Variants in LTBP1 observed in about 807,000 individuals in gnomAD.
The protein encoded by LTBP1 is latent-transforming growth factor beta-binding protein 1.
Under a neutral mutation model 207.6 loss-of-function variants are expected in LTBP1, and 129 were observed. That is an observed-to-expected ratio of 0.62 (90% CI 0.54 to 0.72). The LOEUF (loss-of-function observed/expected upper bound fraction) is 0.72. Among genes scored for constraint, LTBP1 ranks in the 30% least tolerant of loss-of-function variants. The probability of loss-of-function intolerance (pLI) is 0.00; values close to 1 mark genes in which losing one functional copy is unlikely to be tolerated. For missense variants in LTBP1, 2,281 were observed against 2,217.2 expected, an observed-to-expected ratio of 1.03 and a Z score of -0.58; for synonymous variants, 963 against 833.7, an observed-to-expected ratio of 1.16 and a Z score of -2.67.
rs2095299098 is a variant in LTBP1, at chr2:33,389,719, AACCTCC to A, written c.4834+420_4834+425del. 5.3e-5 allele frequency among the ~76,000 whole-genome samples: 8 copies of A among 152,284 alleles called. No homozygotes were observed. In the South Asian group the frequency reaches 1.7e-3, roughly 32 times the overall value. On this transcript the variant is annotated intron_variant, in intron 32 of 33. Transcript: ENST00000404816. ...CAGTGGCACGATCTCAGCTCACTGC[AACCTCC>A]ACCTCCCGGATTCAAGCGATTCTGC... is the stretch of plus-strand genomic sequence containing the variant.
chr2:33,305,187 G>A (rs917246275), intron 22 of LTBP1, among the ~76,000 whole-genome samples: 2 of 152,098 alleles, frequency 1.3e-5, no homozygotes, highest in African/African-American at 2.4e-5. Context: ...ATCTGGGTGT[G>A]GCGGCGTGTG....
At chr2:33,034,257 T>C (rs528764154) in intron 3 of LTBP1, among the ~76,000 whole-genome samples, 2 of 151,326 alleles carry the variant, frequency 1.3e-5, no homozygotes, top group Admixed American at 6.6e-5. Flanking sequence ...AAAATGCATT[T>C]ATTTCTCAGA....
At chr2:33,157,599 T>A (rs1269301831) in intron 5 of LTBP1, among the ~76,000 whole-genome samples, 1 of 152,186 alleles carries the variant, frequency 6.6e-6, no homozygotes, top group East Asian at 1.9e-4. Flanking sequence ...CTGACTCCCA[T>A]TGCATTTCCA....
intron 20 of LTBP1, among the ~76,000 whole-genome samples, chr2:33,298,677 G>C (rs531706233): frequency 1.1e-3 from 168 of 152,268 alleles, no homozygotes; most frequent in African/African-American, 3.8e-3. Flanking sequence ...TAAAATGAAA[G>C]TTACCTTGTT....
At chr2:33,307,668 G>A (rs1558985336) in intron 22 of LTBP1, among the ~76,000 whole-genome samples, 1 of 152,170 alleles carries the variant, frequency 6.6e-6, no homozygotes, top group Non-Finnish European at 1.5e-5. Context: ...TTTATTTTAT[G>A]TACATTATAC....
chr2:33,058,260 A>T (rs949035745), intron 3 of LTBP1, among the ~76,000 whole-genome samples: 1 of 152,242 alleles, frequency 6.6e-6, no homozygotes, highest in Non-Finnish European at 1.5e-5. Flanking sequence ...GTTAGCATTA[A>T]AATTCAATTA....
intron 2 of LTBP1, among the ~76,000 whole-genome samples, chr2:32,979,243 G>A (rs2148695710): frequency 6.7e-6 from 1 of 149,840 alleles, no homozygotes; most frequent in East Asian, 2.0e-4. Flanking sequence ...ACTAATTTTG[G>A]GTTTAGTTTG....
chr2:33,240,428 A>T (rs1335424984), intron 9 of LTBP1, among the ~76,000 whole-genome samples: 1 of 152,186 alleles, frequency 6.6e-6, no homozygotes, highest in Non-Finnish European at 1.5e-5. Context: ...CTTTGTTCTT[A>T]ACGTGTTTGT....
Position 32,968,917 on chromosome 2 carries a change from A to ATTTT in LTBP1, c.565+19985_565+19988dup, listed in dbSNP as rs61065758. ...TTTTTTCTTTAGTGTGTGTGTGTGT[A>ATTTT]TTTTTTTTTTTTTTTTGAGGCGGTG... On this transcript the variant is annotated intron_variant, in intron 2 of 33. Transcript: ENST00000404816. 2.1e-3 allele frequency among the ~76,000 whole-genome samples: 225 copies of ATTTT among 107,302 alleles called. 7 individuals are homozygous for ATTTT. The highest frequency in any genetic ancestry group is 6.7e-3 in the Middle Eastern group (1 of 150). 70.4% of individuals were successfully genotyped at this position (107,302 alleles called of 152,430 possible).
At chr2:33,305,399 C>T (rs781092855) in intron 22 of LTBP1, among the ~76,000 whole-genome samples, 8 of 151,558 alleles carry the variant, frequency 5.3e-5, no homozygotes, top group East Asian at 1.9e-4. Flanking sequence ...GAAAATAGAG[C>T]GGGGTATATG....
intron 28 of LTBP1, among the ~76,000 whole-genome samples, chr2:33,363,158 A>G (rs906794896): frequency 6.6e-6 from 1 of 152,190 alleles, no homozygotes; most frequent in Non-Finnish European, 1.5e-5. Flanking sequence ...CACTTCTCCT[A>G]TAATGTTTTG....
chr2:33,304,317 G>A (rs917641304), intron 22 of LTBP1, among the ~76,000 whole-genome samples: 24 of 152,200 alleles, frequency 1.6e-4, no homozygotes, highest in African/African-American at 5.5e-4. Context: ...CAATGTTTCC[G>A]ACCCTCCCCA....
rs1203931075 is a variant in LTBP1, at chr2:33,301,506, A to G, written c.3359-16A>G. ...AGCACCACTTCCACAGTTTCTTTGT[A>G]TTCTCTTGCTCATAGACATTGATGA... On this transcript the variant is annotated splice_polypyrimidine_tract_variant and intron_variant, in intron 21 of 33. Coordinates refer to ENST00000404816, the MANE Select transcript of LTBP1 (RefSeq NM_206943.4). 1 of 1,568,894 alleles carries G rather than the reference A, an allele frequency of 6.4e-7. No homozygotes were observed. The highest frequency in any genetic ancestry group is 2.0e-5 in the Admixed American group (1 of 49,824).
Position 32,947,421 on chromosome 2 carries a change from C to A in LTBP1, c.97C>A (p.His33Asn). 6.9e-7 allele frequency: 1 copy of A among 1,438,906 alleles called. No homozygotes were observed. The highest frequency in any genetic ancestry group is 1.3e-5 in the South Asian group (1 of 74,296). The allele number at this position is 1,438,906 out of a possible 1,614,324, so 89.1% of individuals were successfully genotyped here. A position where few individuals can be genotyped will look rare whatever the true frequency, so the allele number is the denominator to read the frequency against. Residue 33 changes from histidine (H) to asparagine (N), a missense_variant, in exon 1 of 34, where the codon CAC becomes AAC. By Grantham distance (68) the His-to-Asn change is moderately conservative. This residue lies in a region of LTBP1 where 555 missense variants were observed against 491.0 expected (regional missense o/e 1.13). Transcript: ENST00000404816. ...GCTGCGGAGGATCACCTACGTGGTG[C>A]ACCCGGGCCCCGGCCTGGCAGCCGG... ...GRLRRITYVV[H>N]PGPGLAAGAL...
intron 15 of LTBP1, among the ~76,000 whole-genome samples, chr2:33,265,969 C>A (rs2148137441): frequency 6.6e-6 from 1 of 152,288 alleles, no homozygotes; most frequent in Non-Finnish European, 1.5e-5. Flanking sequence ...ATATGTTAAG[C>A]TTTTGGCCAC....
chr2:33,375,160 C>T (rs1340319326), intron 31 of LTBP1, among the ~76,000 whole-genome samples: 1 of 152,140 alleles, frequency 6.6e-6, no homozygotes, highest in East Asian at 1.9e-4. Context: ...CTTCCATATC[C>T]ATGCATGGCT....
chr2:33,004,067 C>T (rs1686422935), intron 2 of LTBP1, among the ~76,000 whole-genome samples: 2 of 151,490 alleles, frequency 1.3e-5, no homozygotes, highest in South Asian at 4.2e-4. Context: ...CACATGGATT[C>T]CCATTGCAAT....
At chr2:33,236,197 C>T (rs2092040517) in intron 9 of LTBP1, among the ~76,000 whole-genome samples, 1 of 152,120 alleles carries the variant, frequency 6.6e-6, no homozygotes, top group Non-Finnish European at 1.5e-5. Flanking sequence ...GTTTAATATT[C>T]CTTTTGTTTA....
intron 2 of LTBP1, among the ~76,000 whole-genome samples, chr2:33,020,400 A>C (rs1203515564): frequency 6.6e-6 from 1 of 152,186 alleles, no homozygotes; most frequent in East Asian, 1.9e-4. Flanking sequence ...TTAAATTTTA[A>C]GTTAAGCGTA....
Sources: gnomAD v4.1 joint callset for allele counts (sites outside exome capture counted in the v4.1 genomes callset) on GRCh38, gnomAD v4.1.1 for gene constraint, gnomAD v4.1.1 regional missense constraint, MANE v1.5 for transcripts, NCBI Gene and HGNC (gene_info 2026-07-23, HGNC 2026-07-21) for gene names.